Variants in NUP93 observed in about 807,000 individuals in gnomAD.
NUP93 encodes nuclear pore complex protein Nup93.
In NUP93, 55 loss-of-function variants were observed where a neutral mutation model predicts 107.8. The observed-to-expected ratio is 0.51, with a 90% CI of 0.41 to 0.64. The LOEUF is 0.64. Among genes scored for constraint, NUP93 ranks in the 30% least tolerant of loss-of-function variants. NUP93 has a pLI of 0.00. For missense variants in NUP93, 937 were observed against 1,044.7 expected, an observed-to-expected ratio of 0.90 and a Z score of 1.42; for synonymous variants, 390 against 397.5, an observed-to-expected ratio of 0.98 and a Z score of 0.22.
intron 13 of NUP93, 57 bp downstream of exon 13, chr16:56,833,463 C>A: frequency 1.4e-6 from 2 of 1,379,342 alleles, no homozygotes; most frequent in South Asian, 1.6e-5. Flanking sequence ...CCCCTTGGGG[C>A]GACGGTGGCC....
chr16:56,763,731 G>T (rs377292074), intron 3 of NUP93, among the ~76,000 whole-genome samples: 3 of 152,178 alleles, frequency 2.0e-5, no homozygotes, highest in African/African-American at 7.2e-5. Context: ...CTTCCCTGCT[G>T]AGGAAAAGAC....
At chr16:56,793,936 C>T (rs1228729879) in intron 3 of NUP93, among the ~76,000 whole-genome samples, 1 of 151,854 alleles carries the variant, frequency 6.6e-6, no homozygotes, top group Non-Finnish European at 1.5e-5. Flanking sequence ...GCCTGTAGTC[C>T]CAGCTACTCA....
intron 21 of NUP93, among the ~76,000 whole-genome samples, chr16:56,843,413 T>G (rs1258328565): frequency 2.0e-5 from 3 of 152,204 alleles, no homozygotes; most frequent in African/African-American, 4.8e-5. Flanking sequence ...TTCTCCTGCC[T>G]TCCTTTTGCC....
Position 56,839,527 on chromosome 16 carries a change from G to A in NUP93, c.2143G>A (p.Glu715Lys). The A allele has an allele frequency of 6.2e-7, 1 of 1,611,540 alleles. No homozygotes were observed. The highest frequency in any genetic ancestry group is 8.5e-7 in the Non-Finnish European group (1 of 1,179,182). Reference sequence around the variant, plus strand: ...CGGTGGTTGTTTTAAACAGATCATTGAGCGCTTGAAGCTGGTGCCCCTGAA... The same window carrying A: ...CGGTGGTTGTTTTAAACAGATCATTAAGCGCTTGAAGCTGGTGCCCCTGAA... ...GHIDRAFDII[E>K]RLKLVPLNQE... The change falls in exon 20 of 22, where the codon GAG becomes AAG. Residue 715 changes from glutamate to lysine, a missense_variant. Glu to Lys is a moderately conservative substitution (Grantham distance 56, BLOSUM62 1). Transcript: ENST00000308159.
At chr16:56,783,098 G>A (rs1043853731) in intron 3 of NUP93, among the ~76,000 whole-genome samples, 2 of 152,052 alleles carry the variant, frequency 1.3e-5, no homozygotes, top group African/African-American at 4.8e-5. Flanking sequence ...ATTTAATTCG[G>A]CATTAAAAAG....
At chr16:56,818,218 C>G (rs977591196) in intron 5 of NUP93, among the ~76,000 whole-genome samples, 2 of 152,110 alleles carry the variant, frequency 1.3e-5, no homozygotes, top group African/African-American at 4.8e-5. Flanking sequence ...GTGGAAATGT[C>G]TGAATCAGGT....
intron 3 of NUP93, among the ~76,000 whole-genome samples, chr16:56,797,063 G>A (rs1962916878): frequency 6.6e-6 from 1 of 152,024 alleles, no homozygotes; most frequent in African/African-American, 2.4e-5. Context: ...TTGAGCCAAC[G>A]TGTTGGCCTC....
intron 21 of NUP93, chr16:56,842,678 A>G: frequency 2.3e-6 from 1 of 439,872 alleles, no homozygotes; most frequent in Non-Finnish European, 4.5e-6. Flanking sequence ...TCACCCTCCC[A>G]AGTAGCTGGG....
chr16:56,730,853 G>GA (rs1404489194), intron 1 of NUP93, among the ~76,000 whole-genome samples: 2 of 152,220 alleles, frequency 1.3e-5, no homozygotes, highest in Non-Finnish European at 2.9e-5. Context: ...GGTCCTTGGT[G>GA]AAAGTATGAA....
intron 5 of NUP93, among the ~76,000 whole-genome samples, chr16:56,817,399 G>A (rs550065463): frequency 1.3e-5 from 2 of 152,312 alleles, no homozygotes; most frequent in South Asian, 4.1e-4. Context: ...CAGCTTCATA[G>A]TGCTGGGAAG....
At position 56,834,151 on chromosome 16, in the gene NUP93, C is replaced by T. The variant is rs777975365; in HGVS notation, c.1561C>T (p.Pro521Ser). 1.1e-5 allele frequency: 18 copies of T among 1,614,026 alleles called. No individual in the cohort carries two copies. The highest frequency in any genetic ancestry group is 3.3e-5 in the Admixed American group (2 of 59,988). The stretch of plus-strand genomic sequence containing the variant: ...AGTCAGCCACGAGCCTGGTGACCCT[C>T]CTTGCTTGCGGCGGCTGAACTTCGT... The part of the protein sequence containing the change: ...QLLSHEPGDP[P>S]CLRRLNFVRL... Residue 521 changes from proline to serine, a missense_variant, in exon 14 of 22, where the codon CCT (proline) becomes TCT (serine). Physicochemically the swap from Pro to Ser is moderately conservative, Grantham distance 74. Transcript: ENST00000308159.
At chr16:56,822,436 C>CG (rs1191429082) in intron 7 of NUP93, among the ~76,000 whole-genome samples, 95 of 149,000 alleles carry the variant, frequency 6.4e-4, no homozygotes, top group African/African-American at 2.1e-3. Context: ...TGCCTGAGTC[C>CG]GGGGGGGCCC....
At chr16:56,828,904 C>G in intron 8 of NUP93, 73 bp from the exon 9 acceptor site, 1 of 1,497,886 alleles carries the variant, frequency 6.7e-7, no homozygotes. Flanking sequence ...AGTGTAATGT[C>G]ATGGATATGG....
intron 3 of NUP93, among the ~76,000 whole-genome samples, chr16:56,795,936 C>T (rs1057276728): frequency 9.9e-5 from 15 of 152,068 alleles, no homozygotes; most frequent in African/African-American, 2.7e-4. Context: ...CGTGAGCCAC[C>T]GCGCTCGGCC....
Position 56,794,584 on chromosome 16 carries a change from T to TAGAGAG in NUP93, c.298-3868_298-3863dup, listed in dbSNP as rs10596725. 2.9e-4 allele frequency among the ~76,000 whole-genome samples: 43 copies of TAGAGAG among 148,110 alleles called. No individual in the cohort carries two copies. In the South Asian group the frequency reaches 4.1e-3, roughly 14 times the overall value. On this transcript the variant is annotated intron_variant, in intron 3 of 21. Coordinates refer to ENST00000308159, the MANE Select transcript of NUP93 (RefSeq NM_014669.5). ...ATTTGTGTTGTAAGTGTGTGTGTGA[T>TAGAGAG]AGAGAGAGAGAGAGAGAGAGAGAGA...
chr16:56,738,195 G>A (rs1246650301), intron 1 of NUP93, among the ~76,000 whole-genome samples: 1 of 152,232 alleles, frequency 6.6e-6, no homozygotes, highest in Admixed American at 6.5e-5. Context: ...CTCATCCAGA[G>A]ACGATCCAGC....
At chr16:56,822,412 T>C (rs1460087800) in intron 7 of NUP93, among the ~76,000 whole-genome samples, 1 of 150,196 alleles carries the variant, frequency 6.7e-6, no homozygotes, top group African/African-American at 2.5e-5. Flanking sequence ...CTCGAGAGGC[T>C]GAGGTGGGAG....
At chr16:56,743,978 C>T (rs1354685478) in intron 1 of NUP93, among the ~76,000 whole-genome samples, 1 of 152,154 alleles carries the variant, frequency 6.6e-6, no homozygotes, top group Non-Finnish European at 1.5e-5. Flanking sequence ...AAAAGATTCC[C>T]AATCACGCTC....
At chr16:56,796,749 C>T (rs1219094698) in intron 3 of NUP93, among the ~76,000 whole-genome samples, 3 of 151,928 alleles carry the variant, frequency 2.0e-5, no homozygotes, top group Admixed American at 2.0e-4. Flanking sequence ...GAGGCCAAGG[C>T]GGTTGGATCA....
Sources: gnomAD v4.1 joint callset for allele counts (sites outside exome capture counted in the v4.1 genomes callset) on GRCh38, gnomAD v4.1.1 for gene constraint, MANE v1.5 for transcripts, NCBI Gene and HGNC (gene_info 2026-07-23, HGNC 2026-07-21) for gene names.